Variants in PCDH15 observed in about 807,000 individuals in gnomAD.
The protein encoded by PCDH15 is protocadherin related 15, also known as protocadherin-15.
PCDH15 carries 129 observed loss-of-function variants against 178.5 expected under a neutral mutation model. The observed-to-expected ratio is 0.72, with a 90% confidence interval of 0.63 to 0.84. PCDH15 has a LOEUF of 0.84. Among genes scored for constraint, PCDH15 ranks in the 40% least tolerant of loss-of-function variants. PCDH15 has a pLI of 0.00. For missense variants in PCDH15, 2,230 were observed against 2,099.9 expected (o/e 1.06, Z -1.21); for synonymous variants, 800 against 732.0 (o/e 1.09, Z -1.50).
chr10:55,615,844 G>A (rs1589188881), intron 2 of PCDH15, among the ~76,000 whole-genome samples: 1 of 152,274 alleles, frequency 6.6e-6, no homozygotes, highest in East Asian at 1.9e-4. Flanking sequence ...TCTGTAGTGA[G>A]CTATGATCAT....
intron 21 of PCDH15, among the ~76,000 whole-genome samples, chr10:53,989,174 A>T (rs569804464): frequency 1.3e-5 from 2 of 152,302 alleles, no homozygotes; most frequent in Non-Finnish European, 2.9e-5. Flanking sequence ...TACTAAAGTT[A>T]GGCTTTTAGT....
chr10:55,360,191 T>C (rs963282954), intron 2 of PCDH15, among the ~76,000 whole-genome samples: 2 of 152,018 alleles, frequency 1.3e-5, no homozygotes, highest in Admixed American at 6.6e-5. Flanking sequence ...AATGTATTTA[T>C]TCATCAAAAC....
At chr10:54,768,204 G>A (rs1948723983) in intron 1 of PCDH15, among the ~76,000 whole-genome samples, 1 of 152,138 alleles carries the variant, frequency 6.6e-6, no homozygotes, top group Non-Finnish European at 1.5e-5. Context: ...AGCATAGAGA[G>A]AATGCAAATT....
intron 25 of PCDH15, among the ~76,000 whole-genome samples, chr10:53,926,426 A>T (rs1158540660): frequency 6.6e-6 from 1 of 152,244 alleles, no homozygotes; most frequent in Admixed American, 6.5e-5. Flanking sequence ...TGGAAAAGAG[A>T]TCACAAAAAT....
chr10:55,574,860 A>G (rs1001932935), intron 2 of PCDH15, among the ~76,000 whole-genome samples: 10 of 152,028 alleles, frequency 6.6e-5, no homozygotes, highest in Admixed American at 5.3e-4. Flanking sequence ...TCTTATTGTT[A>G]TATTTCTGGC....
intron 1 of PCDH15, among the ~76,000 whole-genome samples, chr10:55,207,080 A>G (rs1840422823): frequency 6.6e-6 from 1 of 152,062 alleles, no homozygotes; most frequent in African/African-American, 2.4e-5. Context: ...TCAAGTAATA[A>G]TCATCAAATT....
At chr10:54,481,407 ATG>A (rs137969568) in intron 3 of PCDH15, among the ~76,000 whole-genome samples, 20 of 151,280 alleles carry the variant, frequency 1.3e-4, no homozygotes, top group Non-Finnish European at 1.6e-4. Flanking sequence ...TGATAAATAT[ATG>A]TGTGTGTGTG....
chr10:54,044,687 A>G (rs1911403), intron 18 of PCDH15, among the ~76,000 whole-genome samples: 36,175 of 152,076 alleles, frequency 0.24, 4,396 homozygotes, highest in South Asian at 0.27. Flanking sequence ...AAAGATCTAT[A>G]AGGATGGCTA....
intron 3 of PCDH15, among the ~76,000 whole-genome samples, chr10:54,517,080 C>T (rs1397669378): frequency 6.6e-6 from 1 of 152,136 alleles, no homozygotes; most frequent in Non-Finnish European, 1.5e-5. Context: ...TGGAAAGGAA[C>T]AACAGGTACC....
At chr10:54,620,934 A>G (rs1445205590) in intron 2 of PCDH15, among the ~76,000 whole-genome samples, 1 of 152,026 alleles carries the variant, frequency 6.6e-6, no homozygotes, top group African/African-American at 2.4e-5. Flanking sequence ...CTATTTTAAT[A>G]AAGAAGTAAG....
At chr10:54,814,993 C>T (rs1202111647) in intron 3 of PCDH15, among the ~76,000 whole-genome samples, 2 of 152,048 alleles carry the variant, frequency 1.3e-5, no homozygotes, top group Non-Finnish European at 2.9e-5. Context: ...GTCTTTGTCA[C>T]CCAAATCTAG....
At chr10:55,125,313 A>G (rs1837871878) in intron 2 of PCDH15, among the ~76,000 whole-genome samples, 1 of 151,984 alleles carries the variant, frequency 6.6e-6, no homozygotes. Context: ...CAGAATCACA[A>G]AACAGATAGG....
chr10:54,432,026 T>C (rs1163554416), intron 3 of PCDH15, among the ~76,000 whole-genome samples: 1 of 151,784 alleles, frequency 6.6e-6, no homozygotes, highest in Non-Finnish European at 1.5e-5. Context: ...GCAAAAGATC[T>C]CTAGAATGAA....
chr10:54,524,514 T>C (rs926310419), intron 3 of PCDH15, among the ~76,000 whole-genome samples: 3 of 152,228 alleles, frequency 2.0e-5, no homozygotes, highest in Non-Finnish European at 2.9e-5. Flanking sequence ...CTGATGTGGC[T>C]GGCACTCAGT....
chr10:54,561,226 T>C (rs1383106718), intron 2 of PCDH15, among the ~76,000 whole-genome samples: 1 of 152,074 alleles, frequency 6.6e-6, no homozygotes, highest in Non-Finnish European at 1.5e-5. Flanking sequence ...TTTAAGGTCA[T>C]CATTTAAGAG....
chr10:54,784,517 C>T (rs2133452638), intron 1 of PCDH15, among the ~76,000 whole-genome samples: 1 of 151,948 alleles, frequency 6.6e-6, no homozygotes, highest in East Asian at 2.0e-4. Flanking sequence ...TACTGTTTAG[C>T]CATGAAGAAG....
intron 3 of PCDH15, among the ~76,000 whole-genome samples, chr10:54,396,807 C>T (rs1951292777): frequency 6.6e-6 from 1 of 152,050 alleles, no homozygotes; most frequent in Admixed American, 6.6e-5. Context: ...AACAAAAGTT[C>T]AAACTATGAT....
chr10:53,878,254 C>CTACATATAT (rs2080399629), intron 26 of PCDH15, among the ~76,000 whole-genome samples: 3 of 135,962 alleles, frequency 2.2e-5, no homozygotes, highest in African/African-American at 5.6e-5. Context: ...TCTACATATA[C>CTACATATAT]ATACAGTAAA....
At chr10:55,537,411 T>TTATGTATG (rs539616680) in intron 2 of PCDH15, among the ~76,000 whole-genome samples, 2,152 of 150,772 alleles carry the variant, frequency 0.014, 17 homozygotes, top group South Asian at 0.022. Flanking sequence ...ATTTATGTAT[T>TTATGTATG]TATGTATGTA....
Sources: gnomAD v4.1 joint callset for allele counts (sites outside exome capture counted in the v4.1 genomes callset) on GRCh38, gnomAD v4.1.1 for gene constraint, MANE v1.5 for transcripts, NCBI Gene and HGNC (gene_info 2026-07-23, HGNC 2026-07-21) for gene names.